The following P2RX5 variants were observed in gnomAD, a reference collection of about 807,000 sequenced individuals.
P2RX5 encodes the protein P2X purinoceptor 5.
P2RX5 carries 46 observed loss-of-function variants against 54.1 expected under a neutral mutation model. The ratio of observed to expected loss-of-function variants is 0.85; its 90% CI spans 0.67 to 1.09. The LOEUF (loss-of-function observed/expected upper bound fraction) is 1.09. Among genes scored for constraint, P2RX5 ranks in the 50% least tolerant of loss-of-function variants. P2RX5 has a pLI of 0.00. For synonymous variants in P2RX5, 226 were observed against 226.4 expected, an observed-to-expected ratio of 1.00 and a Z score of 0.02; for missense variants, 566 against 549.8, an observed-to-expected ratio of 1.03 and a Z score of -0.29.
At chr17:3,716,745 AATG>A in the P2RX5 span, 1 of 1,611,770 alleles carries the variant, frequency 6.2e-7, no homozygotes, top group Non-Finnish European at 8.5e-7. Flanking sequence ...CGCTGCCTTT[AATG>A]ATGATAGGCA....
chr17:3,696,054 T>C lies in P2RX5; in HGVS notation c.-49A>G. 1.2e-6 allele frequency: 2 copies of C among 1,604,900 alleles called. No individual in the cohort carries two copies. Among genetic ancestry groups the C allele is most frequent in the Non-Finnish European group, 1.7e-6 (2 of 1,174,708 alleles). ...GGACCGCCCGGCCCACGTGCGCTCA[T>C]GGGGAGCACTCGGTCCCTCGGTCCC... On this transcript the variant is annotated 5_prime_UTR_variant, in exon 1 of 12. The change abolishes an upstream ATG in the 5' untranslated region. Transcript: ENST00000225328.
At chr17:3,711,001 A>C in the P2RX5 span, among the ~76,000 whole-genome samples, 1 of 152,206 alleles carries the variant, frequency 6.6e-6, no homozygotes, top group African/African-American at 2.4e-5. Flanking sequence ...GTCCCAGCTC[A>C]GTCCTTTTCT....
At chr17:3,680,751 G>A (rs1311183286) in intron 10 of P2RX5, among the ~76,000 whole-genome samples, 38 of 60,214 alleles carry the variant, frequency 6.3e-4, no homozygotes, top group East Asian at 1.6e-3. Context: ...TCCACCCAGC[G>A]TCCTCCACCC....
chr17:3,711,950 C>A, the P2RX5 span, among the ~76,000 whole-genome samples: 1 of 152,118 alleles, frequency 6.6e-6, no homozygotes, highest in African/African-American at 2.4e-5. Context: ...GTAGTTCCCC[C>A]GATTACAGCT....
the P2RX5 span, among the ~76,000 whole-genome samples, chr17:3,703,109 A>T: frequency 6.6e-6 from 1 of 152,210 alleles, no homozygotes; most frequent in African/African-American, 2.4e-5. Context: ...CCACACCAGT[A>T]TCTGTTCCTT....
intron 1 of P2RX5, among the ~76,000 whole-genome samples, chr17:3,693,768 G>A (rs172691): frequency 0.86 from 130,306 of 151,844 alleles, 59,474 homozygotes; most frequent in East Asian, 1. Flanking sequence ...ATTAAAAATT[G>A]AAAAATTGAA....
At chr17:3,695,747 A>AC (rs1449564969) in intron 1 of P2RX5, 122 bp downstream of exon 1, 1 of 1,206,794 alleles carries the variant, frequency 8.3e-7, no homozygotes, top group Non-Finnish European at 1.2e-6. Context: ...AGGCTCACAG[A>AC]CCCCCAGCTA....
chr17:3,690,978 TGGTTG>T lies in P2RX5; in HGVS notation c.333_337del (p.Asn112AlafsTer7). 1 of 1,555,102 alleles carries T rather than the reference TGGTTG, an allele frequency of 6.4e-7. No homozygotes were observed. The highest frequency in any genetic ancestry group is 8.7e-7 in the Non-Finnish European group (1 of 1,146,600). Reference sequence around the variant, plus strand: ...AACCTCAGCACAGACGTTCTGCCGCTGGTTGGGGGTCACAATCAGGTTGGTGACCA... The same window carrying T: ...AACCTCAGCACAGACGTTCTGCCGCTGGGGTCACAATCAGGTTGGTGACCA... On this transcript the variant is annotated frameshift_variant, in exon 3 of 12. Transcript: ENST00000225328. LOFTEE classifies it high-confidence loss of function.
the P2RX5 span, among the ~76,000 whole-genome samples, chr17:3,702,096 G>A: frequency 6.6e-6 from 1 of 152,154 alleles, no homozygotes; most frequent in Non-Finnish European, 1.5e-5. Flanking sequence ...AAGACTTGGA[G>A]AGCTTTTCTG....
chr17:3,693,996 C>T (rs985140248), intron 1 of P2RX5, among the ~76,000 whole-genome samples: 18 of 151,926 alleles, frequency 1.2e-4, no homozygotes, highest in Non-Finnish European at 2.4e-4. Flanking sequence ...AACTCCTGAC[C>T]TCAAGTGATC....
At chr17:3,715,859 T>TTA in the P2RX5 span, among the ~76,000 whole-genome samples, 1 of 151,816 alleles carries the variant, frequency 6.6e-6, no homozygotes, top group Non-Finnish European at 1.5e-5. Context: ...ACCCTGGTGT[T>TTA]TATTTTTAAA....
intron 8 of P2RX5, 121 bp downstream of exon 8, chr17:3,688,505 G>C (rs1012146174): frequency 1.4e-5 from 15 of 1,083,984 alleles, no homozygotes; most frequent in Middle Eastern, 2.4e-4. Context: ...TGGGCCATCT[G>C]TCCCTGCACC....
chr17:3,718,023 C>T, the P2RX5 span: 1 of 152,396 alleles, frequency 6.6e-6, no homozygotes, highest in South Asian at 2.1e-4. Flanking sequence ...CCCACAGATT[C>T]CCAAAAGTGC....
chr17:3,723,573 G>T, the P2RX5 span: 1 of 1,184,034 alleles, frequency 8.4e-7, no homozygotes, highest in Non-Finnish European at 1.2e-6. Flanking sequence ...GGGAGGGCCT[G>T]GCAGCCCCCG....
At chr17:3,690,772 G>T in intron 3 of P2RX5, 92 bp from the exon 4 acceptor site, 1 of 1,371,028 alleles carries the variant, frequency 7.3e-7, no homozygotes, top group Non-Finnish European at 1.0e-6. Flanking sequence ...TTCTTCTTCG[G>T]CCTGGCCCAC....
At chr17:3,684,641 C>G (rs560365991) in intron 9 of P2RX5, among the ~76,000 whole-genome samples, 2 of 142,332 alleles carry the variant, frequency 1.4e-5, no homozygotes, top group Non-Finnish European at 3.1e-5. Flanking sequence ...AATATAGTAT[C>G]GACCAGAAAA....
intron 9 of P2RX5, 40 bp from the exon 10 acceptor site, chr17:3,682,018 T>C (rs1597704362): frequency 7.2e-7 from 1 of 1,395,104 alleles, no homozygotes; most frequent in East Asian, 2.3e-5. Flanking sequence ...CCTAGACCTC[T>C]GAGAGCACTG....
intron 5 of P2RX5, 78 bp from the exon 6 acceptor site, chr17:3,690,228 C>G: frequency 2.9e-6 from 4 of 1,398,568 alleles, no homozygotes; most frequent in South Asian, 1.2e-5. Context: ...CAGTGTGAGG[C>G]CTGTTCCTTG....
chr17:3,682,684 G>A (rs982358409), intron 9 of P2RX5: 1 of 157,178 alleles, frequency 6.4e-6, no homozygotes, highest in African/African-American at 2.4e-5. Flanking sequence ...GTGTGAGATA[G>A]GTTGGAAGGG....
Sources: gnomAD v4.1 joint callset for allele counts (sites outside exome capture counted in the v4.1 genomes callset) on GRCh38, gnomAD v4.1.1 for gene constraint, MANE v1.5 for transcripts, NCBI Gene and HGNC (gene_info 2026-07-23, HGNC 2026-07-21) for gene names.